SHROOM3: variants seen among roughly 807,000 people sequenced by gnomAD.
SHROOM3 encodes shroom family member 3, also known as protein Shroom3.
Under a neutral mutation model 138.6 loss-of-function variants are expected in SHROOM3, and 47 were observed. That is an observed-to-expected ratio of 0.34 (90% confidence interval 0.27 to 0.43). The LOEUF is 0.43. Ranked by LOEUF, SHROOM3 falls within the 20% of genes least tolerant of loss-of-function variation. SHROOM3 has a pLI of 1.00. For missense variants in SHROOM3, 2,491 were observed against 2,596.5 expected, an observed-to-expected ratio of 0.96 and a Z score of 0.88; for synonymous variants, 1,062 against 1,063.3, an observed-to-expected ratio of 1.00 and a Z score of 0.02.
chr4:76,629,726 A>G (rs1165512145), intron 2 of SHROOM3, among the ~76,000 whole-genome samples: 1 of 152,228 alleles, frequency 6.6e-6, no homozygotes, highest in Non-Finnish European at 1.5e-5. Flanking sequence ...GAGAGAAGTC[A>G]AGCTTTTAGT....
chr4:76,604,593 C>T (rs1734577488), intron 2 of SHROOM3, among the ~76,000 whole-genome samples: 1 of 150,484 alleles, frequency 6.6e-6, no homozygotes, highest in South Asian at 2.1e-4. Context: ...TTAAAATGTT[C>T]AAATGGTAAC....
chr4:76,559,817 G>A (rs1733563029), intron 2 of SHROOM3, among the ~76,000 whole-genome samples: 1 of 152,144 alleles, frequency 6.6e-6, no homozygotes, highest in Non-Finnish European at 1.5e-5. Context: ...GTAAGTTGTG[G>A]GTCAAAGACT....
In SHROOM3 at chr4:76,633,333, A is replaced by G. The variant is rs80023982; in HGVS notation, c.324-76823A>G. ...GGGGGACAGAGTAAGACTCAGTCTC[A>G]AAAAAAAAAAAAAAAAAAAAGAAAA... On this transcript the variant is annotated intron_variant, in intron 2 of 10. Transcript: ENST00000296043. Among the ~76,000 whole-genome samples, 25 of 42,004 alleles carry G rather than the reference A, an allele frequency of 6.0e-4. No individual in the cohort carries two copies. In the East Asian group the frequency reaches 0.024, roughly 41 times the overall value. The allele number at this position is 42,004 out of a possible 152,430, so 27.6% of individuals were successfully genotyped here. A position where few individuals can be genotyped will look rare whatever the true frequency, so the allele number is the denominator to read the frequency against.
chr4:76,556,865 A>T (rs540411020), intron 2 of SHROOM3, among the ~76,000 whole-genome samples: 4 of 152,312 alleles, frequency 2.6e-5, no homozygotes, highest in Admixed American at 1.3e-4. Flanking sequence ...CACAAAAAAC[A>T]CAGCGATGAC....
intron 1 of SHROOM3, among the ~76,000 whole-genome samples, chr4:76,546,354 G>A (rs1213850723): frequency 2.6e-5 from 4 of 152,142 alleles, no homozygotes; most frequent in Non-Finnish European, 5.9e-5. Context: ...AGAGGTAGAT[G>A]GGAAGAACAG....
intron 2 of SHROOM3, among the ~76,000 whole-genome samples, chr4:76,690,845 A>G (rs1719508777): frequency 6.6e-6 from 1 of 152,134 alleles, no homozygotes; most frequent in Non-Finnish European, 1.5e-5. Context: ...CTTTTCAGCT[A>G]TGGACTTTTT....
At chr4:76,590,845 G>A (rs1457032617) in intron 2 of SHROOM3, among the ~76,000 whole-genome samples, 1 of 152,040 alleles carries the variant, frequency 6.6e-6, no homozygotes, top group East Asian at 1.9e-4. Context: ...GGTATTTGTT[G>A]TTCTTAGCGA....
At chr4:76,464,739 T>A (rs771622143) in intron 1 of SHROOM3, among the ~76,000 whole-genome samples, 4 of 152,192 alleles carry the variant, frequency 2.6e-5, no homozygotes, top group African/African-American at 4.8e-5. Context: ...TCATGAGATC[T>A]GGTTGTTTGA....
intron 1 of SHROOM3, among the ~76,000 whole-genome samples, chr4:76,542,491 A>G: frequency 6.6e-6 from 1 of 152,238 alleles, no homozygotes; most frequent in East Asian, 1.9e-4. Flanking sequence ...GCCAAATATA[A>G]TCACAAAGAT....
chr4:76,478,281 G>A (rs1469997894), intron 1 of SHROOM3, among the ~76,000 whole-genome samples: 2 of 152,176 alleles, frequency 1.3e-5, no homozygotes, highest in African/African-American at 2.4e-5. Context: ...GGACACTCAA[G>A]TTTGGTGGGG....
Position 76,612,840 on chromosome 4 carries a change from A to G in SHROOM3, c.323+57077A>G, listed in dbSNP as rs1384908028. Among the ~76,000 whole-genome samples the G allele has an allele frequency of 2.6e-5, 4 of 152,246 alleles. No homozygotes were observed. The East Asian group carries it at 7.7e-4, about 29-fold the overall frequency. On this transcript the variant is annotated intron_variant, in intron 2 of 10. Coordinates refer to ENST00000296043, the MANE Select transcript of SHROOM3 (RefSeq NM_020859.4). ...CTGTAGTCCCAGCTACTTGGGAGGC[A>G]GAGGCAGAAGGATCACTTGAAGCCA...
intron 2 of SHROOM3, among the ~76,000 whole-genome samples, chr4:76,606,857 A>T (rs564875805): frequency 6.6e-6 from 1 of 152,312 alleles, no homozygotes; most frequent in African/African-American, 2.4e-5. Flanking sequence ...GGAGTCCAAA[A>T]AATGCTGTAG....
At chr4:76,762,867 C>T (rs886604923) in intron 9 of SHROOM3, among the ~76,000 whole-genome samples, 2 of 152,076 alleles carry the variant, frequency 1.3e-5, no homozygotes, top group African/African-American at 4.8e-5. Flanking sequence ...GGAGCAGTTC[C>T]TGACTCAAGA....
At chr4:76,603,145 G>A (rs1361794981) in intron 2 of SHROOM3, among the ~76,000 whole-genome samples, 1 of 152,080 alleles carries the variant, frequency 6.6e-6, no homozygotes, top group Non-Finnish European at 1.5e-5. Flanking sequence ...TTGGCTGGGC[G>A]TGGTGGCTCA....
intron 1 of SHROOM3, among the ~76,000 whole-genome samples, chr4:76,470,126 A>T (rs1166052059): frequency 6.6e-6 from 1 of 152,172 alleles, no homozygotes. Flanking sequence ...AGTAGGTCCT[A>T]TTATAATCCC....
At chr4:76,622,354 C>A (rs758385861) in intron 2 of SHROOM3, among the ~76,000 whole-genome samples, 5 of 152,016 alleles carry the variant, frequency 3.3e-5, no homozygotes, top group African/African-American at 7.2e-5. Flanking sequence ...GGAACCAAAT[C>A]TTTTACTTGA....
intron 2 of SHROOM3, among the ~76,000 whole-genome samples, chr4:76,605,446 C>A (rs909413762): frequency 1.3e-5 from 2 of 152,116 alleles, no homozygotes; most frequent in African/African-American, 2.4e-5. Flanking sequence ...CTAGGCATGC[C>A]TTTTAGCCTC....
At chr4:76,719,346 T>G (rs1720469776) in intron 3 of SHROOM3, among the ~76,000 whole-genome samples, 1 of 152,222 alleles carries the variant, frequency 6.6e-6, no homozygotes, top group Admixed American at 6.5e-5. Flanking sequence ...CTGGAGAAAT[T>G]GGTAGAAACC....
chr4:76,651,430 AT>A (rs2110088609), intron 2 of SHROOM3, among the ~76,000 whole-genome samples: 1 of 100,100 alleles, frequency 1.0e-5, no homozygotes, highest in South Asian at 3.0e-4. Flanking sequence ...ATATATATAT[AT>A]ATATATATAT....
Sources: gnomAD v4.1 joint callset for allele counts (sites outside exome capture counted in the v4.1 genomes callset) on GRCh38, gnomAD v4.1.1 for gene constraint, MANE v1.5 for transcripts, NCBI Gene and HGNC (gene_info 2026-07-23, HGNC 2026-07-21) for gene names.